OXR1: variants seen among roughly 807,000 people sequenced by gnomAD.
The protein encoded by OXR1 is oxidation resistance 1.
OXR1 carries 41 observed loss-of-function variants against 104.6 expected under a neutral mutation model. That is an observed-to-expected ratio of 0.39 (90% confidence interval 0.31 to 0.51). The LOEUF is 0.51. OXR1 is among the 20% of genes least tolerant of loss of function. OXR1 has a pLI of 0.77. For synonymous variants in OXR1, 348 were observed against 348.4 expected, an observed-to-expected ratio of 1.00 and a Z score of 0.01; for missense variants, 955 against 1,031.9, an observed-to-expected ratio of 0.93 and a Z score of 1.02.
chr8:106,286,205 C>T (rs1180560385), intron 1 of OXR1, among the ~76,000 whole-genome samples: 1 of 152,072 alleles, frequency 6.6e-6, no homozygotes, highest in Non-Finnish European at 1.5e-5. Context: ...CATTGTTATC[C>T]AGTGGAGGAA....
intron 2 of OXR1, among the ~76,000 whole-genome samples, chr8:106,456,055 A>G (rs146579495): frequency 1.2e-4 from 19 of 152,336 alleles, no homozygotes; most frequent in African/African-American, 4.3e-4. Flanking sequence ...CTTTGAATAG[A>G]TAGAAGAAAG....
chr8:106,500,872 A>T (rs1160111167), intron 2 of OXR1, among the ~76,000 whole-genome samples: 1 of 152,212 alleles, frequency 6.6e-6, no homozygotes, highest in African/African-American at 2.4e-5. Flanking sequence ...AAGCAGGCAA[A>T]CTTTCAACTC....
At chr8:106,438,767 A>G (rs541353687) in intron 2 of OXR1, among the ~76,000 whole-genome samples, 1 of 152,252 alleles carries the variant, frequency 6.6e-6, no homozygotes, top group South Asian at 2.1e-4. Context: ...TACAGACATA[A>G]CATGTTGGTG....
chr8:106,313,742 G>A (rs1395962186), intron 1 of OXR1, among the ~76,000 whole-genome samples: 4 of 151,972 alleles, frequency 2.6e-5, no homozygotes, highest in Admixed American at 2.6e-4. Flanking sequence ...AAAAAATTAT[G>A]GAACTAAAAC....
At chr8:106,486,935 T>A (rs914142110) in intron 2 of OXR1, among the ~76,000 whole-genome samples, 1 of 152,162 alleles carries the variant, frequency 6.6e-6, no homozygotes, top group South Asian at 2.1e-4. Context: ...TGAAAAATTT[T>A]GAAGTTCAAC....
intron 1 of OXR1, among the ~76,000 whole-genome samples, chr8:106,322,778 A>G (rs747206389): frequency 3.3e-5 from 5 of 152,206 alleles, no homozygotes; most frequent in Non-Finnish European, 7.3e-5. Flanking sequence ...AGGCAATCCC[A>G]TTCACAGTTG....
chr8:106,641,592 TTGAG>T (rs1563662824), intron 3 of OXR1, among the ~76,000 whole-genome samples: 1 of 152,194 alleles, frequency 6.6e-6, no homozygotes, highest in Non-Finnish European at 1.5e-5. Context: ...GGTTTCTTAA[TTGAG>T]TATTAGTAGC....
At chr8:106,594,070 T>C (rs908704591) in intron 3 of OXR1, among the ~76,000 whole-genome samples, 12 of 152,222 alleles carry the variant, frequency 7.9e-5, no homozygotes, top group Non-Finnish European at 1.5e-5. Flanking sequence ...CAGTCTATGA[T>C]ACCATGGTTT....
chr8:106,640,624 T>G (rs1204972973), intron 3 of OXR1, among the ~76,000 whole-genome samples: 2 of 152,156 alleles, frequency 1.3e-5, no homozygotes, highest in Non-Finnish European at 2.9e-5. Flanking sequence ...GAATAACATG[T>G]AATCTTTACT....
rs1301254401 is a variant in OXR1 at position 106,745,783 on chromosome 8, A to G, written c.2413-6A>G. On this transcript the variant is annotated splice_region_variant and splice_polypyrimidine_tract_variant and intron_variant, in intron 15 of 16. Coordinates refer to ENST00000517566, the MANE Select transcript of OXR1 (RefSeq NM_001198533.2). ...TATATTTAAAGCTTTTTTTAAATTT[A>G]TATAGGTCTTTAAGTGGACAGGAGA... is the stretch of plus-strand genomic sequence containing the variant. 1 of 1,431,504 alleles carries G rather than the reference A, an allele frequency of 7.0e-7. No individual in the cohort carries two copies. The highest frequency in any genetic ancestry group is 1.4e-5 in the African/African-American group (1 of 70,832). 88.7% of individuals were successfully genotyped at this position (1,431,504 alleles called of 1,614,324 possible).
chr8:106,743,027 T>A (rs1045363019), intron 15 of OXR1, among the ~76,000 whole-genome samples: 1 of 151,808 alleles, frequency 6.6e-6, no homozygotes, highest in African/African-American at 2.4e-5. Context: ...TAGGAGAAAA[T>A]TTTTGCAATC....
At chr8:106,441,846 G>C (rs1160257089) in intron 2 of OXR1, among the ~76,000 whole-genome samples, 1 of 152,048 alleles carries the variant, frequency 6.6e-6, no homozygotes, top group African/African-American at 2.4e-5. Context: ...AAAATATAAA[G>C]ACATGTCGTC....
intron 2 of OXR1, among the ~76,000 whole-genome samples, chr8:106,374,014 A>G (rs189265922): frequency 2.6e-5 from 4 of 152,382 alleles, no homozygotes; most frequent in African/African-American, 9.6e-5. Context: ...GTATTACAGA[A>G]GTCACTCGTG....
chr8:106,309,401 A>T (rs1053059320), intron 1 of OXR1, among the ~76,000 whole-genome samples: 3 of 152,192 alleles, frequency 2.0e-5, no homozygotes, highest in African/African-American at 7.2e-5. Flanking sequence ...GTTTGTGTGT[A>T]TCTATCATAT....
intron 2 of OXR1, among the ~76,000 whole-genome samples, chr8:106,497,788 A>ATG (rs5893796): frequency 0.43 from 64,127 of 150,424 alleles, 16,399 homozygotes; most frequent in Non-Finnish European, 0.57. Flanking sequence ...TGGTCACCAT[A>ATG]TGTGTGTGTG....
At chr8:106,526,690 C>T (rs1440808989) in intron 3 of OXR1, among the ~76,000 whole-genome samples, 3 of 152,174 alleles carry the variant, frequency 2.0e-5, no homozygotes, top group Non-Finnish European at 2.9e-5. Context: ...CTACAGGCGT[C>T]CGCCACCACG....
intron 2 of OXR1, among the ~76,000 whole-genome samples, chr8:106,375,910 C>G (rs952972367): frequency 5.3e-5 from 8 of 152,330 alleles, no homozygotes; most frequent in African/African-American, 1.9e-4. Flanking sequence ...GATGCAATGG[C>G]ATGATCATAG....
At chr8:106,714,545 C>T (rs1021046262) in intron 11 of OXR1, among the ~76,000 whole-genome samples, 9 of 151,998 alleles carry the variant, frequency 5.9e-5, no homozygotes, top group Non-Finnish European at 2.9e-5. Context: ...TTTATATGCT[C>T]AGATTTACTG....
At chr8:106,493,263 C>T (rs895789762) in intron 2 of OXR1, among the ~76,000 whole-genome samples, 1 of 152,156 alleles carries the variant, frequency 6.6e-6, no homozygotes, top group African/African-American at 2.4e-5. Flanking sequence ...AGCATGCTGC[C>T]TCTGTCGGGT....
Sources: gnomAD v4.1 joint callset for allele counts (sites outside exome capture counted in the v4.1 genomes callset) on GRCh38, gnomAD v4.1.1 for gene constraint, MANE v1.5 for transcripts, NCBI Gene and HGNC (gene_info 2026-07-23, HGNC 2026-07-21) for gene names.